Variants in EFR3A observed in about 807,000 individuals in gnomAD.
EFR3A encodes protein EFR3 homolog A.
In EFR3A, 76 loss-of-function variants were observed where a neutral mutation model predicts 104.4. The ratio of observed to expected loss-of-function variants is 0.73; its 90% CI spans 0.60 to 0.88. The LOEUF (loss-of-function observed/expected upper bound fraction) is 0.88. Ranked by LOEUF, EFR3A falls within the 40% of genes least tolerant of loss-of-function variation. The probability of loss-of-function intolerance (pLI) is 0.00; values close to 1 mark genes in which losing one functional copy is unlikely to be tolerated. For missense variants in EFR3A, 985 were observed against 1,012.5 expected, an observed-to-expected ratio of 0.97 and a Z score of 0.37; for synonymous variants, 330 against 330.0, an observed-to-expected ratio of 1.00 and a Z score of 0.00.
chr8:131,950,127 A>C (rs1416806400), intron 5 of EFR3A, 37 bp downstream of exon 5: 36 of 1,535,846 alleles, frequency 2.3e-5, no homozygotes, highest in Non-Finnish European at 3.1e-5. Context: ...ATAGTAAGTA[A>C]TTTAGAGATT....
intron 10 of EFR3A, among the ~76,000 whole-genome samples, chr8:131,970,862 T>G (rs1820015763): frequency 6.6e-6 from 1 of 152,188 alleles, no homozygotes; most frequent in South Asian, 2.1e-4. Context: ...TTGTTGACAT[T>G]TTATGGCATT....
chr8:131,977,123 CTT>C, intron 12 of EFR3A, 31 bp downstream of exon 12: 1 of 1,510,932 alleles, frequency 6.6e-7, no homozygotes. Flanking sequence ...AAAGGACACA[CTT>C]AACCTTAAAT....
In EFR3A at chr8:132,001,779, C is replaced by A; in HGVS notation, c.2178C>A (p.Ile726=). Residue 726 remains isoleucine (I), a synonymous_variant, in exon 20 of 23, where the codon ATC becomes ATA. Transcript: ENST00000254624. The stretch of plus-strand genomic sequence containing the variant: ...TCTAGGTTAGTAACACTGAAGAAAT[C>A]ACTTTTGAAGCATTGAAGAAAGCAA... The part of the protein sequence containing the change: ...SDDVVSNTEE[I]TFEALKKAID... 3 of 1,613,280 alleles carry A rather than the reference C, an allele frequency of 1.9e-6. No homozygotes were observed. The highest frequency in any genetic ancestry group is 1.1e-5 in the South Asian group (1 of 91,026).
chr8:131,982,060 C>CAACA (rs1384310877), intron 14 of EFR3A, among the ~76,000 whole-genome samples: 11 of 151,968 alleles, frequency 7.2e-5, no homozygotes, highest in Admixed American at 7.2e-4. Flanking sequence ...TTAAGGTGAA[C>CAACA]AACAGTATAA....
intron 10 of EFR3A, among the ~76,000 whole-genome samples, chr8:131,974,968 GAACAT>G (rs1434411952): frequency 6.6e-6 from 1 of 152,066 alleles, no homozygotes; most frequent in Non-Finnish European, 1.5e-5. Flanking sequence ...TTTAAGAAAG[GAACAT>G]AACAGCCATG....
At chr8:131,995,805 T>C (rs1020618896) in intron 18 of EFR3A, among the ~76,000 whole-genome samples, 1 of 152,160 alleles carries the variant, frequency 6.6e-6, no homozygotes, top group Non-Finnish European at 1.5e-5. Flanking sequence ...ACAACATCTT[T>C]CTGGAGAAGT....
rs1286661098 is a variant in EFR3A at position 131,955,658 on chromosome 8, G to C, written c.639-110G>C. 6 of 1,140,286 alleles carry C rather than the reference G, an allele frequency of 5.3e-6. No individual in the cohort carries two copies. In the Admixed American group the frequency reaches 1.4e-4, roughly 27 times the overall value. 70.6% of individuals were successfully genotyped at this position (1,140,286 alleles called of 1,614,324 possible). A position where few individuals can be genotyped will look rare whatever the true frequency, so the allele number is the denominator to read the frequency against. On this transcript the variant is annotated intron_variant, in intron 6 of 22. Coordinates refer to ENST00000254624, the MANE Select transcript of EFR3A (RefSeq NM_015137.6). ...AGAATTAAGCTATATATTTTCTGGA[G>C]TATAAAAAGAAAATGCCATTTTAAC...
intron 14 of EFR3A, among the ~76,000 whole-genome samples, chr8:131,980,666 A>C (rs1285862281): frequency 6.6e-6 from 1 of 152,132 alleles, no homozygotes; most frequent in Non-Finnish European, 1.5e-5. Context: ...TTATGGTGAC[A>C]TACTTGAAAT....
chr8:131,960,927 C>T (rs775103551), intron 8 of EFR3A, among the ~76,000 whole-genome samples: 31 of 152,106 alleles, frequency 2.0e-4, no homozygotes, highest in Non-Finnish European at 3.1e-4. Context: ...CTGCAGCCTC[C>T]GCTGCTGATA....
intron 22 of EFR3A, among the ~76,000 whole-genome samples, chr8:132,007,233 G>A (rs1335908608): frequency 2.6e-5 from 4 of 151,688 alleles, no homozygotes; most frequent in Admixed American, 6.6e-5. Context: ...GTGGAAAATC[G>A]TAAGTAATCA....
intron 3 of EFR3A, 69 bp from the exon 4 acceptor site, chr8:131,946,414 C>T: frequency 7.4e-7 from 1 of 1,345,248 alleles, no homozygotes; most frequent in Non-Finnish European, 9.7e-7. Context: ...TCAGTTCTTC[C>T]AATGTAAAGC....
intron 16 of EFR3A, 71 bp downstream of exon 16, chr8:131,985,131 A>AT: frequency 6.8e-7 from 1 of 1,460,358 alleles, no homozygotes; most frequent in East Asian, 2.3e-5. Context: ...AGTGATGATT[A>AT]TTTTTAACTT....
chr8:131,976,915 C>T (rs1402689998), intron 11 of EFR3A, 126 bp from the exon 12 acceptor site: 1 of 615,498 alleles, frequency 1.6e-6, no homozygotes, highest in Admixed American at 3.6e-5. Context: ...TGAGCCATGA[C>T]TTAAACTGTT....
At chr8:131,926,307 A>G (rs186974530) in intron 1 of EFR3A, among the ~76,000 whole-genome samples, 3 of 152,268 alleles carry the variant, frequency 2.0e-5, no homozygotes, top group Admixed American at 1.3e-4. Flanking sequence ...TTCTTTGTAA[A>G]CATCTGTGAT....
chr8:131,994,260 AAGAG>A (rs995922312), intron 18 of EFR3A, among the ~76,000 whole-genome samples: 7 of 151,960 alleles, frequency 4.6e-5, no homozygotes, highest in East Asian at 1.9e-4. Flanking sequence ...AAAAAAAAAA[AAGAG>A]AGAGAAAGAT....
At chr8:131,953,382 G>A (rs1011077852) in intron 5 of EFR3A, among the ~76,000 whole-genome samples, 1 of 152,024 alleles carries the variant, frequency 6.6e-6, no homozygotes, top group Non-Finnish European at 1.5e-5. Context: ...GTAGTCAAAG[G>A]GAGTTGAAGG....
chr8:131,952,894 TA>T (rs576209661), intron 5 of EFR3A, among the ~76,000 whole-genome samples: 75 of 152,296 alleles, frequency 4.9e-4, no homozygotes, highest in Non-Finnish European at 9.7e-4. Flanking sequence ...TTACAGTTTT[TA>T]GAAGACAATG....
chr8:131,972,165 T>G (rs1820090886), intron 10 of EFR3A, among the ~76,000 whole-genome samples: 1 of 152,206 alleles, frequency 6.6e-6, no homozygotes, highest in Admixed American at 6.5e-5. Flanking sequence ...TGGTTTATAA[T>G]TCATTACTGT....
At chr8:131,989,980 G>A (rs879543703) in intron 18 of EFR3A, among the ~76,000 whole-genome samples, 5 of 152,204 alleles carry the variant, frequency 3.3e-5, no homozygotes, top group Non-Finnish European at 7.3e-5. Context: ...GTACTGCTTT[G>A]TGAGGGGAAA....
Sources: gnomAD v4.1 joint callset for allele counts (sites outside exome capture counted in the v4.1 genomes callset) on GRCh38, gnomAD v4.1.1 for gene constraint, MANE v1.5 for transcripts, NCBI Gene and HGNC (gene_info 2026-07-23, HGNC 2026-07-21) for gene names.